KCNJ3: variants seen among roughly 807,000 people sequenced by gnomAD.
KCNJ3 encodes the protein potassium inwardly rectifying channel subfamily J member 3.
A neutral mutation model predicts 39.2 loss-of-function variants in KCNJ3; 4 were observed. That is an observed-to-expected ratio of 0.10 (90% CI 0.05 to 0.23). The LOEUF is 0.23. Among genes scored for constraint, KCNJ3 ranks in the 10% least tolerant of loss-of-function variants. The pLI, the probability that KCNJ3 is intolerant of heterozygous loss-of-function variation, is 1.00. For missense variants in KCNJ3, 276 were observed against 634.9 expected, an observed-to-expected ratio of 0.43 and a Z score of 6.08; for synonymous variants, 230 against 237.4, an observed-to-expected ratio of 0.97 and a Z score of 0.29.
At chr2:154,745,133 A>G (rs902262129) in intron 2 of KCNJ3, among the ~76,000 whole-genome samples, 6 of 151,920 alleles carry the variant, frequency 3.9e-5, no homozygotes, top group South Asian at 4.1e-4. Flanking sequence ...GGCTTGTTCT[A>G]TGGTCCAGTA....
At chr2:154,796,729 A>G (rs1686726086) in intron 2 of KCNJ3, among the ~76,000 whole-genome samples, 1 of 152,204 alleles carries the variant, frequency 6.6e-6, no homozygotes, top group Non-Finnish European at 1.5e-5. Flanking sequence ...ACTACCTAGA[A>G]TACTAGCTGA....
intron 2 of KCNJ3, among the ~76,000 whole-genome samples, chr2:154,809,444 A>T (rs1291432485): frequency 6.6e-6 from 1 of 152,194 alleles, no homozygotes; most frequent in African/African-American, 2.4e-5. Context: ...ATTAAATGAG[A>T]TAATCAGGTT....
At chr2:154,700,568 G>T (rs910317983) in intron 1 of KCNJ3, among the ~76,000 whole-genome samples, 1 of 152,214 alleles carries the variant, frequency 6.6e-6, no homozygotes, top group Non-Finnish European at 1.5e-5. Flanking sequence ...GTTGCGTAGA[G>T]AACTGAAGCC....
In KCNJ3 at chr2:154,787,928, G is replaced by A. The variant is rs565753168; in HGVS notation, c.920-66799G>A. On this transcript the variant is annotated intron_variant, in intron 2 of 2. Transcript: ENST00000295101. ...ATTATTTAACCATTGCTTATGATAT[G>A]ATCCAACATATATTTGTGTTAATTG... is the stretch of plus-strand genomic sequence containing the variant. Among the ~76,000 whole-genome samples, 9 of 152,114 alleles carry A rather than the reference G, an allele frequency of 5.9e-5. No homozygotes were observed. In the South Asian group the frequency reaches 1.9e-3, roughly 32 times the overall value.
At chr2:154,712,389 C>G (rs956699835) in intron 2 of KCNJ3, among the ~76,000 whole-genome samples, 5 of 152,166 alleles carry the variant, frequency 3.3e-5, no homozygotes, top group African/African-American at 1.2e-4. Context: ...TTTCAGGGAA[C>G]AAGAATACTG....
Position 154,771,343 on chromosome 2 carries a change from T to C in KCNJ3, c.919+61524T>C, listed in dbSNP as rs150030431. Among the ~76,000 whole-genome samples, 7 of 152,228 alleles carry C rather than the reference T, an allele frequency of 4.6e-5. No individual in the cohort carries two copies. The East Asian group carries it at 1.2e-3, about 25-fold the overall frequency. ...CAATCATCTGGAAGAGAAAATAAAT[T>C]TGGATTCATCACTTACATAAGCTAA... is the stretch of plus-strand genomic sequence containing the variant. On this transcript the variant is annotated intron_variant, in intron 2 of 2. Coordinates refer to ENST00000295101, the MANE Select transcript of KCNJ3 (RefSeq NM_002239.4).
At chr2:154,803,050 T>C (rs1371024031) in intron 2 of KCNJ3, among the ~76,000 whole-genome samples, 1 of 152,050 alleles carries the variant, frequency 6.6e-6, no homozygotes, top group Non-Finnish European at 1.5e-5. Flanking sequence ...ATTAAGGAAA[T>C]AGATGAGAAC....
In KCNJ3 at chr2:154,709,765, C is replaced by A. The variant is rs530569245; in HGVS notation, c.865C>A (p.Gln289Lys). 1.2e-5 allele frequency: 19 copies of A among 1,613,880 alleles called. No homozygotes were observed. In the South Asian group the frequency reaches 1.6e-4, roughly 14 times the overall value. The change falls in exon 2 of 3, where the codon CAA (glutamine) becomes AAA (lysine). Residue 289 changes from glutamine to lysine, a missense_variant. By Grantham distance (53) the Gln-to-Lys change is moderately conservative. Around this residue, in one of 4 missense-constraint regions of KCNJ3, gnomAD observed 77 missense variants for 200.0 expected, o/e 0.38. Coordinates refer to ENST00000295101, the MANE Select transcript of KCNJ3 (RefSeq NM_002239.4). ...PFYDLSQRSM[Q>K]TEQFEIVVIL... The stretch of plus-strand genomic sequence containing the variant: ...TTATGACCTATCCCAGCGAAGCATG[C>A]AAACTGAACAGTTCGAGATTGTCGT...
intron 1 of KCNJ3, among the ~76,000 whole-genome samples, chr2:154,702,771 A>G (rs1422491976): frequency 2.6e-5 from 4 of 151,980 alleles, no homozygotes; most frequent in African/African-American, 7.2e-5. Flanking sequence ...CTGTGATTGA[A>G]TTATAAATAT....
rs980324620 is a variant in KCNJ3, at chr2:154,776,613, A to G, written c.919+66794A>G. ...ATTTAGGAAACATTCTTTCAATTAT[A>G]TGACTGTATCTCTAGAATATAATTC... On this transcript the variant is annotated intron_variant, in intron 2 of 2. Coordinates refer to ENST00000295101, the MANE Select transcript of KCNJ3 (RefSeq NM_002239.4). Among the ~76,000 whole-genome samples the G allele has an allele frequency of 1.6e-4, 24 of 152,160 alleles. 1 individual carries two copies.
rs140999219 is a variant in KCNJ3, at chr2:154,707,895, G to A, written c.703-1708G>A. Among the ~76,000 whole-genome samples the A allele has an allele frequency of 2.9e-3, 446 of 152,246 alleles. 1 individual carries two copies. Among genetic ancestry groups the A allele is most frequent in the Admixed American group, 4.7e-3 (72 of 15,274 alleles). ...TAATCAATACTTGTTATACAACCAT[G>A]TAGTTGGAAAGATGTTGGTCTCATT... On this transcript the variant is annotated intron_variant, in intron 1 of 2. Coordinates refer to ENST00000295101, the MANE Select transcript of KCNJ3 (RefSeq NM_002239.4).
intron 2 of KCNJ3, among the ~76,000 whole-genome samples, chr2:154,844,863 T>C (rs1439363899): frequency 6.6e-6 from 1 of 152,176 alleles, no homozygotes; most frequent in Admixed American, 6.5e-5. Flanking sequence ...TGGCTTCCCA[T>C]GGCTAGGAAA....
intron 2 of KCNJ3, among the ~76,000 whole-genome samples, chr2:154,793,073 A>T (rs1409691255): frequency 1.3e-5 from 2 of 152,050 alleles, no homozygotes; most frequent in Admixed American, 6.6e-5. Context: ...CTGATTTAAA[A>T]TTTTTTCCCT....
intron 2 of KCNJ3, among the ~76,000 whole-genome samples, chr2:154,770,945 C>T (rs537793577): frequency 7.1e-6 from 1 of 140,188 alleles, no homozygotes; most frequent in South Asian, 2.2e-4. Context: ...GGCTAGAGTG[C>T]AGTGGCACAA....
intron 2 of KCNJ3, among the ~76,000 whole-genome samples, chr2:154,733,806 G>A (rs772314641): frequency 6.6e-6 from 1 of 152,166 alleles, no homozygotes; most frequent in Admixed American, 6.5e-5. Flanking sequence ...GCCTACTGGG[G>A]AGTTTGTTAT....
Position 154,831,170 on chromosome 2 carries a change from G to T in KCNJ3, c.920-23557G>T, listed in dbSNP as rs114623249. On this transcript the variant is annotated intron_variant, in intron 2 of 2. Coordinates refer to ENST00000295101, the MANE Select transcript of KCNJ3 (RefSeq NM_002239.4). Reference sequence around the variant, plus strand: ...ATCTCTGCAAAACACAGTCTCATAAGACTGTGTCACAGCCTTTGATAAAGC... The same window carrying T: ...ATCTCTGCAAAACACAGTCTCATAATACTGTGTCACAGCCTTTGATAAAGC... 2.8e-3 allele frequency among the ~76,000 whole-genome samples: 427 copies of T among 152,176 alleles called. 4 individuals carry two copies. The highest frequency in any genetic ancestry group is 0.01 in the African/African-American group (420 of 41,526).
At chr2:154,761,055 A>ATT (rs1354293419) in intron 2 of KCNJ3, among the ~76,000 whole-genome samples, 1 of 113,094 alleles carries the variant, frequency 8.8e-6, no homozygotes. Flanking sequence ...TTTTTTTTTA[A>ATT]TTTTTTCTTT....
At chr2:154,845,055 C>G (rs1271530303) in intron 2 of KCNJ3, among the ~76,000 whole-genome samples, 1 of 152,132 alleles carries the variant, frequency 6.6e-6, no homozygotes, top group African/African-American at 2.4e-5. Flanking sequence ...AGCTGTAGAC[C>G]AGAGCTGTTC....
intron 2 of KCNJ3, among the ~76,000 whole-genome samples, chr2:154,729,432 C>G (rs752983772): frequency 5.9e-5 from 9 of 152,102 alleles, no homozygotes; most frequent in Non-Finnish European, 1.2e-4. Flanking sequence ...TAATTAAGTT[C>G]CTTTGAACTA....
Sources: allele counts gnomAD v4.1 joint callset (sites outside exome capture counted in the v4.1 genomes callset), GRCh38; gene constraint gnomAD v4.1.1; regional missense constraint gnomAD v4.1.1; transcripts MANE v1.5; gene names NCBI Gene and HGNC (gene_info 2026-07-23, HGNC 2026-07-21).